ZNF93: variants seen among roughly 807,000 people sequenced by gnomAD.
The protein encoded by ZNF93 is zinc finger protein 93.
In ZNF93, 29 loss-of-function variants were observed where a neutral mutation model predicts 45.0. That is an observed-to-expected ratio of 0.64 (90% CI 0.48 to 0.88). The LOEUF is 0.88. Ranked by LOEUF, ZNF93 falls within the 40% of genes least tolerant of loss-of-function variation. The pLI is 0.00. For synonymous variants in ZNF93, 223 were observed against 244.6 expected, an observed-to-expected ratio of 0.91 and a Z score of 0.82; for missense variants, 578 against 724.0, an observed-to-expected ratio of 0.80 and a Z score of 2.31.
chr19:19,934,636 G>C lies in ZNF93; in HGVS notation c.1681G>C (p.Gly561Arg), dbSNP rs766236280. The change falls in exon 4 of 4, where the codon GGA (glycine) becomes CGA (arginine). Residue 561 changes from glycine to arginine, a missense_variant. Physicochemically the swap from Gly to Arg is moderately radical, Grantham distance 125. Transcript: ENST00000343769. ...HLTTHKILHT[G>R]EKPYRCRECG... ...TACTACACATAAGATACTTCATACT[G>C]GAGAGAAACCTTATAGATGTAGAGA... The C allele has an allele frequency of 1.9e-6, 3 of 1,613,452 alleles. No individual in the cohort carries two copies. Among genetic ancestry groups the C allele is most frequent in the East Asian group, 4.5e-5 (2 of 44,870 alleles).
At chr19:19,903,623 C>T (rs1290874997) in intron 1 of ZNF93, among the ~76,000 whole-genome samples, 1 of 151,636 alleles carries the variant, frequency 6.6e-6, no homozygotes, top group Non-Finnish European at 1.5e-5. Flanking sequence ...AAAATTAACT[C>T]AGCATGTTGG....
At chr19:19,916,215 C>T (rs189570072) in intron 2 of ZNF93, among the ~76,000 whole-genome samples, 112 of 152,038 alleles carry the variant, frequency 7.4e-4, no homozygotes, top group African/African-American at 2.5e-3. Context: ...TACAGGCATG[C>T]ATTACCATGC....
In ZNF93 at chr19:19,933,362, G is replaced by A. The variant is rs370712872; in HGVS notation, c.407G>A (p.Cys136Tyr). ...GGAGGTTATAATGGACTTAACCAGTGTAGTACAACTACCCAGAGCAAAGTA... is the reference window on the plus strand; with the variant it reads ...GGAGGTTATAATGGACTTAACCAGTATAGTACAACTACCCAGAGCAAAGTA... ...HTGGYNGLNQCSTTTQSKVFQ... is the reference protein window; with the variant it reads ...HTGGYNGLNQYSTTTQSKVFQ... Residue 136 changes from cysteine to tyrosine, a missense_variant, in exon 4 of 4, where the codon TGT becomes TAT. Physicochemically the swap from Cys to Tyr is radical, Grantham distance 194. Coordinates refer to ENST00000343769, the MANE Select transcript of ZNF93 (RefSeq NM_031218.4). 42 of 1,606,284 alleles carry A rather than the reference G, an allele frequency of 2.6e-5. No homozygotes were observed. The highest frequency in any genetic ancestry group is 3.1e-5 in the Non-Finnish European group (37 of 1,177,200).
chr19:19,902,371 G>A (rs144124860), intron 1 of ZNF93, among the ~76,000 whole-genome samples: 2,462 of 152,000 alleles, frequency 0.016, 52 homozygotes, highest in African/African-American at 0.056. Context: ...CGATTCTCCT[G>A]CCTCAGCCTC....
At chr19:19,918,821 T>C (rs2063333033) in intron 3 of ZNF93, among the ~76,000 whole-genome samples, 1 of 152,214 alleles carries the variant, frequency 6.6e-6, no homozygotes, top group Non-Finnish European at 1.5e-5. Context: ...CTTGTAAATT[T>C]GTTTGAGTTC....
intron 1 of ZNF93, among the ~76,000 whole-genome samples, chr19:19,901,400 G>T (rs938102263): frequency 6.6e-6 from 1 of 152,174 alleles, no homozygotes; most frequent in East Asian, 1.9e-4. Context: ...GTCGTCAGGG[G>T]AGAATCCTGA....
chr19:19,922,540 CT>C (rs568956091), intron 3 of ZNF93, among the ~76,000 whole-genome samples: 75 of 152,326 alleles, frequency 4.9e-4, no homozygotes, highest in African/African-American at 1.8e-3. Context: ...TGTTTTCCAG[CT>C]TGGTTCCATT....
rs149703997 is a variant in ZNF93, at chr19:19,916,221, C to T, written c.131-339C>T. Among the ~76,000 whole-genome samples, 20 of 152,124 alleles carry T rather than the reference C, an allele frequency of 1.3e-4. No individual in the cohort carries two copies. The East Asian group carries it at 3.7e-3, about 28-fold the overall frequency. On this transcript the variant is annotated intron_variant, in intron 2 of 3. Coordinates refer to ENST00000343769, the MANE Select transcript of ZNF93 (RefSeq NM_031218.4). ...AGCTGGGACTACAGGCATGCATTAC[C>T]ATGCTCTGCTAATGTTTGTATTTTT...
At chr19:19,911,322 A>G (rs1260328960) in intron 1 of ZNF93, among the ~76,000 whole-genome samples, 1 of 152,242 alleles carries the variant, frequency 6.6e-6, no homozygotes, top group Non-Finnish European at 1.5e-5. Flanking sequence ...GAGGATGTCC[A>G]GAGCAGAATT....
At chr19:19,910,759 G>A (rs990147508) in intron 1 of ZNF93, among the ~76,000 whole-genome samples, 13 of 151,606 alleles carry the variant, frequency 8.6e-5, no homozygotes, top group East Asian at 3.9e-4. Flanking sequence ...ACCAAAGGAT[G>A]CAGAGCCAGG....
At position 19,934,009 on chromosome 19, in the gene ZNF93, G is replaced by C; in HGVS notation, c.1054G>C (p.Ala352Pro). ...KCNKCGKAFI[A>P]SSTLSRHEFI... ...TAATAAATGTGGCAAAGCCTTTATT[G>C]CATCCTCAACCCTTAGTAGACATGA... Residue 352 changes from alanine (A) to proline (P), a missense_variant, in exon 4 of 4, where the codon GCA becomes CCA. Physicochemically the swap from Ala to Pro is conservative, Grantham distance 27. This residue lies in a region of ZNF93 where 446 missense variants were observed against 547.6 expected (regional missense o/e 0.81). Coordinates refer to ENST00000343769, the MANE Select transcript of ZNF93 (RefSeq NM_031218.4). 1 of 1,612,002 alleles carries C rather than the reference G, an allele frequency of 6.2e-7. No individual in the cohort carries two copies. The highest frequency in any genetic ancestry group is 1.3e-5 in the African/African-American group (1 of 74,634).
Position 19,934,504 on chromosome 19 carries a change from G to A in ZNF93, c.1549G>A (p.Ala517Thr). The part of the protein sequence containing the change: ...KPYKCEECGK[A>T]FNQSSTLIKH... ...CTACAAATGTGAAGAATGTGGCAAA[G>A]CTTTTAACCAGTCCTCAACCCTTAT... The change falls in exon 4 of 4, where the codon GCT becomes ACT. Residue 517 changes from alanine (A) to threonine (T), a missense_variant. By Grantham distance (58) the Ala-to-Thr change is moderately conservative. Transcript: ENST00000343769. 6.2e-7 allele frequency: 1 copy of A among 1,613,282 alleles called. No homozygotes were observed. Among genetic ancestry groups the A allele is most frequent in the Non-Finnish European group, 8.5e-7 (1 of 1,180,002 alleles).
intron 3 of ZNF93, among the ~76,000 whole-genome samples, chr19:19,929,323 C>T (rs2063365430): frequency 6.6e-6 from 1 of 152,150 alleles, no homozygotes; most frequent in Non-Finnish European, 1.5e-5. Flanking sequence ...TATGCACTCT[C>T]AAGTATTTCT....
At position 19,934,883 on chromosome 19, in the gene ZNF93, G is replaced by T; in HGVS notation, c.*65G>T. ...CACCTTACTATACACTGAGAGTTCT[G>T]AACTTACTCTGTAACCATCCCAAAC... On this transcript the variant is annotated 3_prime_UTR_variant, in exon 4 of 4. Coordinates refer to ENST00000343769, the MANE Select transcript of ZNF93 (RefSeq NM_031218.4). 1 of 1,502,604 alleles carries T rather than the reference G, an allele frequency of 6.7e-7. No individual in the cohort carries two copies. 93.1% of individuals were successfully genotyped at this position (1,502,604 alleles called of 1,614,324 possible).
chr19:19,907,058 G>A (rs2122162737), intron 1 of ZNF93, among the ~76,000 whole-genome samples: 1 of 151,264 alleles, frequency 6.6e-6, no homozygotes, highest in Admixed American at 6.6e-5. Context: ...ATATATAGAT[G>A]TTTTTTCTGC....
intron 2 of ZNF93, 54 bp from the exon 3 acceptor site, chr19:19,916,506 C>G: frequency 7.0e-7 from 1 of 1,430,144 alleles, no homozygotes; most frequent in African/African-American, 1.4e-5. Flanking sequence ...ACATTACTAG[C>G]TTGTAATTGG....
chr19:19,927,844 T>G (rs1740450054), intron 3 of ZNF93, among the ~76,000 whole-genome samples: 1 of 152,156 alleles, frequency 6.6e-6, no homozygotes, highest in Non-Finnish European at 1.5e-5. Context: ...TGCCTTCTGG[T>G]TCAAGCAATT....
chr19:19,935,081 A>G lies in ZNF93; in HGVS notation c.*263A>G, dbSNP rs1415772701. ...CCACAGCTTAAGGTCAGTTCTGCCT[A>G]TATAGAAACCCACACAGTTAACCTG... On this transcript the variant is annotated 3_prime_UTR_variant, in exon 4 of 4. Coordinates refer to ENST00000343769, the MANE Select transcript of ZNF93 (RefSeq NM_031218.4). 1 of 442,872 alleles carries G rather than the reference A, an allele frequency of 2.3e-6. No individual in the cohort carries two copies. The highest frequency in any genetic ancestry group is 2.0e-5 in the African/African-American group (1 of 50,638). 27.4% of individuals were successfully genotyped at this position (442,872 alleles called of 1,614,324 possible).
intron 1 of ZNF93, chr19:19,908,158 A>G (rs2063297965): frequency 6.6e-6 from 1 of 152,200 alleles, no homozygotes; most frequent in Non-Finnish European, 1.5e-5. Context: ...TTACAGGACA[A>G]ATAAAGACAG....
Sources: allele counts gnomAD v4.1 joint callset (sites outside exome capture counted in the v4.1 genomes callset), GRCh38; gene constraint gnomAD v4.1.1; regional missense constraint gnomAD v4.1.1; transcripts MANE v1.5; gene names NCBI Gene and HGNC (gene_info 2026-07-23, HGNC 2026-07-21).